HS3ST5: variants seen among roughly 807,000 people sequenced by gnomAD.
HS3ST5 encodes the protein heparan sulfate glucosamine 3-O-sulfotransferase 5.
A neutral mutation model predicts 25.4 loss-of-function variants in HS3ST5; 10 were observed. That is an observed-to-expected ratio of 0.39 (90% confidence interval 0.24 to 0.67). HS3ST5 has a LOEUF of 0.67. Among genes scored for constraint, HS3ST5 ranks in the 30% least tolerant of loss-of-function variants. HS3ST5 has a pLI of 0.44. For missense variants in HS3ST5, 324 were observed against 420.7 expected (o/e 0.77, Z 2.01); for synonymous variants, 170 against 162.4 (o/e 1.05, Z -0.36).
chr6:114,129,273 T>TTTTTG (rs1777210405), intron 3 of HS3ST5, among the ~76,000 whole-genome samples: 2 of 115,392 alleles, frequency 1.7e-5, no homozygotes, highest in Admixed American at 8.7e-5. Context: ...TTTTTTTTTT[T>TTTTTG]GAGACGGAGT....
chr6:114,328,093 A>G (rs1402073222), intron 1 of HS3ST5, among the ~76,000 whole-genome samples: 4 of 152,180 alleles, frequency 2.6e-5, no homozygotes, highest in Non-Finnish European at 5.9e-5. Context: ...GGAAATTGCA[A>G]TCAATTGTAA....
intron 3 of HS3ST5, among the ~76,000 whole-genome samples, chr6:114,088,564 T>C (rs948378566): frequency 1.3e-5 from 2 of 152,184 alleles, no homozygotes; most frequent in East Asian, 3.8e-4. Flanking sequence ...GTCTCATCTA[T>C]TACGTTATAA....
chr6:114,154,824 T>G (rs1024473134), intron 3 of HS3ST5, among the ~76,000 whole-genome samples: 1 of 152,266 alleles, frequency 6.6e-6, no homozygotes, highest in African/African-American at 2.4e-5. Context: ...GTGGCCTTTG[T>G]CAAATGTCAT....
chr6:114,300,956 T>C (rs1438315048), intron 1 of HS3ST5, among the ~76,000 whole-genome samples: 2 of 152,160 alleles, frequency 1.3e-5, no homozygotes, highest in African/African-American at 2.4e-5. Flanking sequence ...GGAAAATCTA[T>C]AGAGACAGAA....
At chr6:114,278,813 C>T (rs562002130) in intron 1 of HS3ST5, among the ~76,000 whole-genome samples, 28 of 152,016 alleles carry the variant, frequency 1.8e-4, no homozygotes, top group Non-Finnish European at 3.7e-4. Context: ...ACATGTAGAT[C>T]TCAAAGGATT....
At chr6:114,244,014 T>A (rs1772264743) in intron 1 of HS3ST5, among the ~76,000 whole-genome samples, 1 of 152,172 alleles carries the variant, frequency 6.6e-6, no homozygotes, top group Non-Finnish European at 1.5e-5. Context: ...TATCCTTTTG[T>A]AGAAGACAGA....
At chr6:114,212,933 G>T (rs187931187) in intron 2 of HS3ST5, among the ~76,000 whole-genome samples, 1 of 152,306 alleles carries the variant, frequency 6.6e-6, no homozygotes, top group Non-Finnish European at 1.5e-5. Flanking sequence ...AGGACTTTTA[G>T]CTTTGCTGTC....
intron 2 of HS3ST5, among the ~76,000 whole-genome samples, chr6:114,173,945 C>A (rs1034241988): frequency 3.9e-5 from 6 of 152,126 alleles, no homozygotes; most frequent in African/African-American, 1.4e-4. Context: ...GCAATGCAGA[C>A]TCTGCCTATT....
At chr6:114,162,080 A>G (rs1331812588) in intron 3 of HS3ST5, among the ~76,000 whole-genome samples, 1 of 151,854 alleles carries the variant, frequency 6.6e-6, no homozygotes, top group South Asian at 2.2e-4. Context: ...ATCTGCAGTT[A>G]TTATTATTGT....
At chr6:114,316,272 T>G (rs1775743412) in intron 1 of HS3ST5, among the ~76,000 whole-genome samples, 1 of 152,200 alleles carries the variant, frequency 6.6e-6, no homozygotes. Context: ...TTGTACAAAT[T>G]ATACCAAAAT....
intron 3 of HS3ST5, among the ~76,000 whole-genome samples, chr6:114,164,079 C>T (rs893120271): frequency 1.3e-5 from 2 of 152,106 alleles, no homozygotes; most frequent in African/African-American, 4.8e-5. Context: ...AGTCTTCTCA[C>T]AGACATCCTG....
chr6:114,245,723 C>A (rs1772346749), intron 1 of HS3ST5, among the ~76,000 whole-genome samples: 2 of 152,154 alleles, frequency 1.3e-5, no homozygotes, highest in African/African-American at 4.8e-5. Flanking sequence ...GTTTTCAAGG[C>A]AAAATATCAA....
intron 2 of HS3ST5, among the ~76,000 whole-genome samples, chr6:114,199,658 A>G (rs573513935): frequency 6.2e-4 from 94 of 152,322 alleles, no homozygotes; most frequent in Non-Finnish European, 9.8e-4. Flanking sequence ...TTTTTAAAGA[A>G]CATCTACTTT....
At chr6:114,122,700 A>C (rs1247851967) in intron 3 of HS3ST5, among the ~76,000 whole-genome samples, 4 of 152,160 alleles carry the variant, frequency 2.6e-5, no homozygotes, top group Non-Finnish European at 5.9e-5. Context: ...AGAACCAACT[A>C]TGCCTCCACC....
intron 2 of HS3ST5, among the ~76,000 whole-genome samples, chr6:114,191,913 T>A (rs544806256): frequency 1.4e-4 from 22 of 152,286 alleles, no homozygotes; most frequent in Middle Eastern, 3.4e-3. Flanking sequence ...CATTTAAATT[T>A]CAGTTTCCTC....
intron 3 of HS3ST5, among the ~76,000 whole-genome samples, chr6:114,148,689 T>G (rs963801577): frequency 6.6e-6 from 1 of 152,130 alleles, no homozygotes; most frequent in Non-Finnish European, 1.5e-5. Flanking sequence ...GGATGCCGAC[T>G]TCATGACTAA....
chr6:114,324,620 G>C (rs770461010), intron 1 of HS3ST5, among the ~76,000 whole-genome samples: 2 of 152,210 alleles, frequency 1.3e-5, no homozygotes, highest in Non-Finnish European at 1.5e-5. Context: ...TCACTTGTCA[G>C]TTATTGACTT....
At chr6:114,101,039 C>T (rs1775702340) in intron 3 of HS3ST5, among the ~76,000 whole-genome samples, 1 of 152,134 alleles carries the variant, frequency 6.6e-6, no homozygotes, top group African/African-American at 2.4e-5. Flanking sequence ...AATTATTTTT[C>T]TGTCTTTTTT....
chr6:114,108,347 C>G (rs1776093096), intron 3 of HS3ST5, among the ~76,000 whole-genome samples: 1 of 152,154 alleles, frequency 6.6e-6, no homozygotes, highest in East Asian at 1.9e-4. Context: ...AGCAAAGGAA[C>G]TGGCTGCAGC....
Sources: allele counts gnomAD v4.1 joint callset (sites outside exome capture counted in the v4.1 genomes callset), GRCh38; gene constraint gnomAD v4.1.1; transcripts MANE v1.5; gene names NCBI Gene and HGNC (gene_info 2026-07-23, HGNC 2026-07-21).